Variants in UGT1A7 observed in about 807,000 individuals in gnomAD.
The protein encoded by UGT1A7 is UDP-glucuronosyltransferase 1A7.
In UGT1A7, 33 loss-of-function variants were observed where a neutral mutation model predicts 45.6. That is an observed-to-expected ratio of 0.72 (90% CI 0.55 to 0.97). The LOEUF is 0.97. Among genes scored for constraint, UGT1A7 ranks in the 50% least tolerant of loss-of-function variants. The pLI is 0.00. For missense variants in UGT1A7, 684 were observed against 666.2 expected, an observed-to-expected ratio of 1.03 and a Z score of -0.29; for synonymous variants, 274 against 250.6, an observed-to-expected ratio of 1.09 and a Z score of -0.88.
At chr2:233,761,712 C>G (rs1355356029) in intron 1 of UGT1A7, among the ~76,000 whole-genome samples, 1 of 152,230 alleles carries the variant, frequency 6.6e-6, no homozygotes, top group Non-Finnish European at 1.5e-5. Context: ...GTTTCATTCT[C>G]AAGCTATTAG....
intron 1 of UGT1A7, among the ~76,000 whole-genome samples, chr2:233,690,231 T>A (rs1054850541): frequency 6.6e-6 from 1 of 152,232 alleles, no homozygotes; most frequent in Non-Finnish European, 1.5e-5. Context: ...TATTCTAGAT[T>A]CAGCAAATTT....
intron 1 of UGT1A7, among the ~76,000 whole-genome samples, chr2:233,731,096 C>A (rs1335372284): frequency 6.6e-6 from 1 of 151,962 alleles, no homozygotes; most frequent in African/African-American, 2.4e-5. Flanking sequence ...TATTTCTGTG[C>A]CTTTTTTATA....
intron 1 of UGT1A7, among the ~76,000 whole-genome samples, chr2:233,764,153 T>C (rs1331955474): frequency 6.6e-6 from 1 of 152,218 alleles, no homozygotes; most frequent in Non-Finnish European, 1.5e-5. Context: ...TTTTGGCTGG[T>C]GAAGTCTCAT....
intron 1 of UGT1A7, among the ~76,000 whole-genome samples, chr2:233,726,967 G>T (rs1400134709): frequency 6.6e-6 from 1 of 152,088 alleles, no homozygotes; most frequent in African/African-American, 2.4e-5. Flanking sequence ...AAGAGCAAAA[G>T]TTTTAGATTT....
At chr2:233,729,087 G>A (rs1254975365) in intron 1 of UGT1A7, 3 of 1,612,408 alleles carry the variant, frequency 1.9e-6, no homozygotes, top group African/African-American at 1.3e-5. Context: ...AGCAGGCACA[G>A]CGTGGGGTGG....
At chr2:233,745,739 A>G (rs1329170032) in intron 1 of UGT1A7, among the ~76,000 whole-genome samples, 2 of 141,886 alleles carry the variant, frequency 1.4e-5, no homozygotes, top group African/African-American at 2.7e-5. Flanking sequence ...AGGCAGAGGG[A>G]GGGGGCAAGC....
intron 1 of UGT1A7, chr2:233,755,206 C>T (rs1478561208): frequency 9.3e-7 from 1 of 1,072,996 alleles, no homozygotes; most frequent in Non-Finnish European, 1.3e-6. Flanking sequence ...TTGCGGTACG[C>T]CTTCTTGATA....
chr2:233,743,701 C>G (rs13009407), intron 1 of UGT1A7: 330,777 of 1,367,248 alleles, frequency 0.24, 43,102 homozygotes, highest in South Asian at 0.3. Flanking sequence ...CGCCCTCCGC[C>G]CCCGCCTCGC....
chr2:233,744,056 G>A (rs1039365766), intron 1 of UGT1A7: 4 of 611,070 alleles, frequency 6.5e-6, no homozygotes, highest in Admixed American at 3.6e-5. Context: ...CTCATTGGTC[G>A]AGGCCTATGA....
chr2:233,761,872 G>A (rs1697885478), intron 1 of UGT1A7, among the ~76,000 whole-genome samples: 1 of 152,232 alleles, frequency 6.6e-6, no homozygotes, highest in Admixed American at 6.5e-5. Context: ...ATTTCAGAGA[G>A]CGTTCATTCA....
chr2:233,691,197 G>A, intron 1 of UGT1A7: 1 of 985,648 alleles, frequency 1.0e-6, no homozygotes. Context: ...GTGGACCTGA[G>A]CTCTGTTCCC....
intron 1 of UGT1A7, among the ~76,000 whole-genome samples, chr2:233,722,845 CTTT>C (rs61550889): frequency 7.4e-6 from 1 of 135,338 alleles, no homozygotes. Flanking sequence ...AAGAATGTTT[CTTT>C]TTTTTTTTTT....
intron 1 of UGT1A7, chr2:233,719,281 T>A (rs773168968): frequency 6.2e-7 from 1 of 1,614,134 alleles, no homozygotes; most frequent in Admixed American, 1.7e-5. Flanking sequence ...ACAGACCCCG[T>A]TAACCTCTGT....
intron 1 of UGT1A7, among the ~76,000 whole-genome samples, chr2:233,766,177 G>A (rs937937765): frequency 5.3e-5 from 8 of 152,156 alleles, no homozygotes; most frequent in African/African-American, 1.9e-4. Context: ...AGGATTTATT[G>A]AGTGGATGTA....
chr2:233,743,056 A>C (rs955838724), intron 1 of UGT1A7: 1 of 325,656 alleles, frequency 3.1e-6, no homozygotes, highest in Non-Finnish European at 6.0e-6. Flanking sequence ...AGTCCCAACG[A>C]TAAGAACAGG....
chr2:233,768,582 C>CTTTT (rs139595073), intron 4 of UGT1A7, 143 bp downstream of exon 4: 40 of 1,033,114 alleles, frequency 3.9e-5, no homozygotes, highest in African/African-American at 2.8e-4. Context: ...TTTATTTCTT[C>CTTTT]TTTTTTTTTT....
chr2:233,754,969 T>G (rs1369050195), intron 1 of UGT1A7: 1 of 1,302,528 alleles, frequency 7.7e-7, no homozygotes, highest in East Asian at 4.6e-5. Flanking sequence ...AAGAACTCCC[T>G]GAAGACCTCG....
intron 1 of UGT1A7, among the ~76,000 whole-genome samples, chr2:233,711,740 G>A (rs866118094): frequency 2.6e-5 from 4 of 152,188 alleles, no homozygotes; most frequent in Non-Finnish European, 5.9e-5. Flanking sequence ...TGGCAGACAC[G>A]GCCAGGCATG....
chr2:233,704,256 C>CA (rs1553607929), intron 1 of UGT1A7, among the ~76,000 whole-genome samples: 1 of 123,680 alleles, frequency 8.1e-6, no homozygotes, highest in Non-Finnish European at 1.6e-5. Flanking sequence ...GCCTTTATTG[C>CA]TTTTTTTTTT....
Sources: gnomAD v4.1 joint callset for allele counts (sites outside exome capture counted in the v4.1 genomes callset) on GRCh38, gnomAD v4.1.1 for gene constraint, MANE v1.5 for transcripts, NCBI Gene and HGNC (gene_info 2026-07-23, HGNC 2026-07-21) for gene names.